The following PTPRN2 variants were observed in gnomAD, a reference collection of about 807,000 sequenced individuals.
PTPRN2 encodes receptor-type tyrosine-protein phosphatase N2.
PTPRN2 carries 74 observed loss-of-function variants against 118.8 expected under a neutral mutation model. That is an observed-to-expected ratio of 0.62 (90% CI 0.52 to 0.76). The LOEUF is 0.76. Among genes scored for constraint, PTPRN2 ranks in the 30% least tolerant of loss-of-function variants. PTPRN2 has a pLI of 0.00. For synonymous variants in PTPRN2, 641 were observed against 608.0 expected, an observed-to-expected ratio of 1.05 and a Z score of -0.80; for missense variants, 1,481 against 1,394.4, an observed-to-expected ratio of 1.06 and a Z score of -0.99.
intron 18 of PTPRN2, among the ~76,000 whole-genome samples, chr7:157,577,280 C>T (rs965167100): frequency 1.3e-5 from 2 of 152,160 alleles, no homozygotes; most frequent in Admixed American, 6.5e-5. Context: ...CAGGCACTTC[C>T]GGGCCTAAGC....
At chr7:158,127,284 G>T (rs936816743) in intron 9 of PTPRN2, among the ~76,000 whole-genome samples, 2 of 150,330 alleles carry the variant, frequency 1.3e-5, no homozygotes, top group Admixed American at 6.6e-5. Flanking sequence ...GTGCACCTGT[G>T]CCCTGCGTCC....
At chr7:158,150,052 A>G (rs1259473774) in intron 6 of PTPRN2, among the ~76,000 whole-genome samples, 1 of 152,222 alleles carries the variant, frequency 6.6e-6, no homozygotes, top group African/African-American at 2.4e-5. Flanking sequence ...GGCATGAATG[A>G]TAAGAAAACA....
At chr7:158,056,638 G>A (rs1809815136) in intron 11 of PTPRN2, among the ~76,000 whole-genome samples, 1 of 152,216 alleles carries the variant, frequency 6.6e-6, no homozygotes, top group African/African-American at 2.4e-5. Context: ...GCTGGAGCAG[G>A]AGTGTGCTGG....
chr7:158,365,202 G>A (rs796831990), intron 2 of PTPRN2, among the ~76,000 whole-genome samples: 12 of 152,272 alleles, frequency 7.9e-5, no homozygotes, highest in African/African-American at 2.2e-4. Context: ...CCTTGCGAGC[G>A]CCTCACGTGA....
intron 9 of PTPRN2, among the ~76,000 whole-genome samples, chr7:158,111,771 T>A (rs112537854): frequency 1.1e-4 from 17 of 151,474 alleles, no homozygotes; most frequent in African/African-American, 2.9e-4. Context: ...GAGATGCTGG[T>A]GAATAGAAAT....
At chr7:157,775,806 C>T (rs1333654172) in intron 12 of PTPRN2, among the ~76,000 whole-genome samples, 1 of 152,132 alleles carries the variant, frequency 6.6e-6, no homozygotes, top group Non-Finnish European at 1.5e-5. Flanking sequence ...CCTCACAGGG[C>T]ATCTGCTCAC....
intron 3 of PTPRN2, among the ~76,000 whole-genome samples, chr7:158,209,544 T>G (rs1321386443): frequency 1.3e-5 from 2 of 152,222 alleles, no homozygotes; most frequent in Non-Finnish European, 2.9e-5. Context: ...TCCAGATATA[T>G]AAAACAAATT....
intron 3 of PTPRN2, among the ~76,000 whole-genome samples, chr7:158,293,435 G>A (rs1352710988): frequency 6.6e-6 from 1 of 151,892 alleles, no homozygotes; most frequent in African/African-American, 2.4e-5. Flanking sequence ...AATTAGCCAG[G>A]TGTGGTAGTG....
At chr7:157,634,311 A>G (rs984835903) in intron 14 of PTPRN2, among the ~76,000 whole-genome samples, 1 of 152,210 alleles carries the variant, frequency 6.6e-6, no homozygotes, top group East Asian at 1.9e-4. Context: ...GAAAAATTCT[A>G]TCCACAACTC....
At chr7:157,975,347 C>T (rs1285416784) in intron 11 of PTPRN2, among the ~76,000 whole-genome samples, 1 of 152,170 alleles carries the variant, frequency 6.6e-6, no homozygotes, top group East Asian at 1.9e-4. Context: ...GGATGCCAGC[C>T]CCTGTCTCCT....
rs28624698 is a variant in PTPRN2 at position 158,026,404 on chromosome 7, C to T, written c.1723+54894G>A. Among the ~76,000 whole-genome samples, 597 of 152,228 alleles carry T rather than the reference C, an allele frequency of 3.9e-3. 7 individuals are homozygous for T. The highest frequency in any genetic ancestry group is 0.012 in the Admixed American group (187 of 15,290). On this transcript the variant is annotated intron_variant, in intron 11 of 22. Coordinates refer to ENST00000389418, the MANE Select transcript of PTPRN2 (RefSeq NM_002847.5). ...CATCCATGTGGGAAGGTCCACTGGC[C>T]GAGGACGGGCACCAAGGCTGCCCTC...
intron 12 of PTPRN2, among the ~76,000 whole-genome samples, chr7:157,819,389 C>T (rs1806650788): frequency 2.0e-5 from 3 of 152,206 alleles, no homozygotes; most frequent in Admixed American, 2.0e-4. Context: ...CATCCGTCAG[C>T]GTCAATTAGG....
In PTPRN2 at chr7:158,212,719, G is replaced by A. The variant is rs571165776; in HGVS notation, c.278-7446C>T. On this transcript the variant is annotated intron_variant, in intron 3 of 22. Coordinates refer to ENST00000389418, the MANE Select transcript of PTPRN2 (RefSeq NM_002847.5). The stretch of plus-strand genomic sequence containing the variant: ...CATCCACAATAAGCACATAGTACCC[G>A]CCACTCACCCACTCCTCTACCTGCC... Among the ~76,000 whole-genome samples the A allele has an allele frequency of 1.6e-3, 246 of 152,102 alleles. 2 individuals are homozygous for A. Among genetic ancestry groups the A allele is most frequent in the African/African-American group, 5.7e-3 (237 of 41,502 alleles).
At chr7:157,853,775 G>T (rs1025862827) in intron 12 of PTPRN2, among the ~76,000 whole-genome samples, 2 of 152,172 alleles carry the variant, frequency 1.3e-5, no homozygotes, top group African/African-American at 2.4e-5. Flanking sequence ...CCCCAAATTC[G>T]CATGCCAAGC....
chr7:158,154,534 G>T (rs930027795), intron 6 of PTPRN2, among the ~76,000 whole-genome samples: 3 of 152,132 alleles, frequency 2.0e-5, no homozygotes, highest in Admixed American at 2.0e-4. Context: ...CTTGTTAAAT[G>T]GATGGGAGAG....
At chr7:157,746,758 C>A (rs973138194) in intron 12 of PTPRN2, among the ~76,000 whole-genome samples, 7 of 152,268 alleles carry the variant, frequency 4.6e-5, no homozygotes, top group Non-Finnish European at 1.0e-4. Context: ...AGGCAGATCT[C>A]TTCCGTTCAG....
chr7:157,889,679 C>G (rs1168705323), intron 12 of PTPRN2, among the ~76,000 whole-genome samples: 2 of 152,250 alleles, frequency 1.3e-5, no homozygotes, highest in African/African-American at 4.8e-5. Flanking sequence ...CCTCCCATAA[C>G]CTGCTGAATA....
intron 12 of PTPRN2, among the ~76,000 whole-genome samples, chr7:157,872,495 T>A (rs552314263): frequency 2.7e-5 from 4 of 149,810 alleles, no homozygotes; most frequent in African/African-American, 9.9e-5. Context: ...ATATCCAGTG[T>A]CCTCCCCACA....
intron 2 of PTPRN2, among the ~76,000 whole-genome samples, chr7:158,444,145 GC>G (rs1817569096): frequency 6.6e-6 from 1 of 152,228 alleles, no homozygotes; most frequent in Admixed American, 6.5e-5. Context: ...ACAGGCACCT[GC>G]CCCAGGGATG....
Sources: gnomAD v4.1 joint callset for allele counts (sites outside exome capture counted in the v4.1 genomes callset) on GRCh38, gnomAD v4.1.1 for gene constraint, MANE v1.5 for transcripts, NCBI Gene and HGNC (gene_info 2026-07-23, HGNC 2026-07-21) for gene names.